The following MYBL1 variants were observed in gnomAD, a reference collection of about 807,000 sequenced individuals.
MYBL1 encodes MYB proto-oncogene like 1.
A neutral mutation model predicts 96.3 loss-of-function variants in MYBL1; 17 were observed. The ratio of observed to expected loss-of-function variants is 0.18; its 90% confidence interval spans 0.12 to 0.26. The LOEUF (loss-of-function observed/expected upper bound fraction) is 0.26. MYBL1 is among the 10% of genes least tolerant of loss of function. MYBL1 has a pLI of 1.00. For missense variants in MYBL1, 701 were observed against 882.9 expected (o/e 0.79, Z 2.61); for synonymous variants, 282 against 292.7 (o/e 0.96, Z 0.37).
intron 8 of MYBL1, among the ~76,000 whole-genome samples, chr8:66,585,870 A>T (rs1809398079): frequency 6.6e-6 from 1 of 152,170 alleles, no homozygotes; most frequent in African/African-American, 2.4e-5. Context: ...TAAACTAAAA[A>T]GCTTCTGCAC....
chr8:66,565,902 G>A (rs914437326), intron 15 of MYBL1, among the ~76,000 whole-genome samples, 162 bp downstream of exon 15: 2 of 152,020 alleles, frequency 1.3e-5, no homozygotes, highest in Admixed American at 6.6e-5. Context: ...TGAATGAGTC[G>A]CTCAAACCCA....
At chr8:66,594,153 C>A (rs566404622) in intron 6 of MYBL1, among the ~76,000 whole-genome samples, 129 of 151,682 alleles carry the variant, frequency 8.5e-4, no homozygotes, top group Non-Finnish European at 1.6e-3. Flanking sequence ...AAAAAAAAAG[C>A]CTTAAAATCA....
chr8:66,585,311 T>C (rs1033501071), intron 8 of MYBL1, among the ~76,000 whole-genome samples: 25 of 152,168 alleles, frequency 1.6e-4, no homozygotes, highest in Admixed American at 1.6e-3. Flanking sequence ...AAACTGGATA[T>C]CCATATGCAG....
At chr8:66,612,636 C>T (rs532346756) in intron 1 of MYBL1, 183 bp downstream of exon 1, 8 of 610,884 alleles carry the variant, frequency 1.3e-5, no homozygotes, top group South Asian at 8.3e-5. Context: ...CACCCTGGTC[C>T]CCAACTCTCC....
At chr8:66,572,401 TAAA>T in intron 12 of MYBL1, 78 bp downstream of exon 12, 2 of 644,720 alleles carry the variant, frequency 3.1e-6, no homozygotes, top group Non-Finnish European at 5.1e-6. Flanking sequence ...TTTTAAATGT[TAAA>T]AATCAAAGTG....
intron 10 of MYBL1, 101 bp from the exon 11 acceptor site, chr8:66,573,607 A>C: frequency 9.6e-7 from 1 of 1,043,438 alleles, no homozygotes; most frequent in Non-Finnish European, 1.3e-6. Context: ...CATACCTCTT[A>C]AAAAAAGCTT....
chr8:66,601,805 C>G, intron 2 of MYBL1, 36 bp from the exon 3 acceptor site: 1 of 1,171,080 alleles, frequency 8.5e-7, no homozygotes, highest in Admixed American at 2.3e-5. Context: ...AAGCTTTCCC[C>G]CCGTCCTTTT....
Position 66,595,772 on chromosome 8 carries a change from G to C in MYBL1, c.513-15C>G, listed in dbSNP as rs1292780153. The C allele has an allele frequency of 4.1e-6, 6 of 1,467,438 alleles. No individual in the cohort carries two copies. The highest frequency in any genetic ancestry group is 5.4e-6 in the Non-Finnish European group (6 of 1,101,618). The allele number at this position is 1,467,438 out of a possible 1,614,324, so 90.9% of individuals were successfully genotyped here. A position where few individuals can be genotyped will look rare whatever the true frequency, so the allele number is the denominator to read the frequency against. ...AATTATCAGTCCTAAGAAAGGAAAG[G>C]TATGATTTAAAAAGAAAAAAGGATT... On this transcript the variant is annotated splice_polypyrimidine_tract_variant and intron_variant, in intron 5 of 15. Coordinates refer to ENST00000522677, the MANE Select transcript of MYBL1 (RefSeq NM_001080416.4).
chr8:66,599,607 C>T (rs1809987346), intron 3 of MYBL1, among the ~76,000 whole-genome samples: 1 of 152,108 alleles, frequency 6.6e-6, no homozygotes, highest in Non-Finnish European at 1.5e-5. Flanking sequence ...TCGAGACCAG[C>T]CTGACCAACA....
intron 1 of MYBL1, among the ~76,000 whole-genome samples, chr8:66,606,690 T>C (rs1287333362): frequency 4.6e-5 from 7 of 152,162 alleles, no homozygotes; most frequent in African/African-American, 1.7e-4. Flanking sequence ...ATGATCTGCT[T>C]CTACAGTTCA....
chr8:66,578,760 G>T (rs1425286307), intron 9 of MYBL1, among the ~76,000 whole-genome samples: 1 of 152,162 alleles, frequency 6.6e-6, no homozygotes, highest in Admixed American at 6.5e-5. Flanking sequence ...AAATCATGCT[G>T]CTATAAAGAC....
intron 3 of MYBL1, among the ~76,000 whole-genome samples, chr8:66,601,481 T>C (rs1810071424): frequency 6.6e-6 from 1 of 152,140 alleles, no homozygotes; most frequent in Admixed American, 6.5e-5. Context: ...TTAATAATCT[T>C]TTTAGGCCCC....
At position 66,573,489 on chromosome 8, in the gene MYBL1, A is replaced by C; in HGVS notation, c.1488T>G (p.Pro496=). The C allele has an allele frequency of 6.2e-7, 1 of 1,605,060 alleles. No individual in the cohort carries two copies. Among genetic ancestry groups the C allele is most frequent in the South Asian group, 1.1e-5 (1 of 88,430 alleles). ...FSPSQFFNTC[P]GNEQLNIENP... Reference sequence around the variant, plus strand: ...TTTCTATATTAAGTTGTTCATTACCAGGACATGTGTTGAAAAACTAGAAAG... The same window carrying C: ...TTTCTATATTAAGTTGTTCATTACCCGGACATGTGTTGAAAAACTAGAAAG... Residue 496 remains proline (P), a synonymous_variant, in exon 11 of 16, where the codon CCT becomes CCG. Coordinates refer to ENST00000522677, the MANE Select transcript of MYBL1 (RefSeq NM_001080416.4).
chr8:66,596,966 A>G (rs552417789), intron 5 of MYBL1, among the ~76,000 whole-genome samples: 9 of 152,298 alleles, frequency 5.9e-5, no homozygotes, highest in Admixed American at 1.3e-4. Flanking sequence ...TACACATAGA[A>G]CGCAATATGA....
Position 66,564,692 on chromosome 8 carries a change from A to T in MYBL1, c.*5T>A, listed in dbSNP as rs1808433672. The T allele has an allele frequency of 6.4e-7, 1 of 1,562,316 alleles. No homozygotes were observed. Among genetic ancestry groups the T allele is most frequent in the African/African-American group, 1.4e-5 (1 of 73,448 alleles). ...AGTGGGGCATTTCATCAATTTTAATAACAATTACAGTATGAGAGCTCTTGA... is the reference window on the plus strand; with the variant it reads ...AGTGGGGCATTTCATCAATTTTAATTACAATTACAGTATGAGAGCTCTTGA... On this transcript the variant is annotated 3_prime_UTR_variant, in exon 16 of 16. Coordinates refer to ENST00000522677, the MANE Select transcript of MYBL1 (RefSeq NM_001080416.4).
chr8:66,604,156 T>C (rs866593175), intron 1 of MYBL1, among the ~76,000 whole-genome samples: 62 of 152,176 alleles, frequency 4.1e-4, no homozygotes, highest in African/African-American at 1.4e-3. Context: ...TGGTAAATTA[T>C]AACAGTAACA....
intron 8 of MYBL1, among the ~76,000 whole-genome samples, chr8:66,592,220 A>G (rs1809675660): frequency 1.3e-5 from 2 of 152,126 alleles, no homozygotes; most frequent in African/African-American, 4.8e-5. Flanking sequence ...AGCAGTGATT[A>G]CACCACTGCA....
intron 10 of MYBL1, among the ~76,000 whole-genome samples, chr8:66,575,171 A>T (rs1808885757): frequency 6.6e-6 from 1 of 152,258 alleles, no homozygotes; most frequent in African/African-American, 2.4e-5. Context: ...GAAAGTAAGT[A>T]GGTAGTTCTA....
At chr8:66,607,589 A>C (rs560655546) in intron 1 of MYBL1, among the ~76,000 whole-genome samples, 6 of 152,124 alleles carry the variant, frequency 3.9e-5, no homozygotes, top group Admixed American at 3.9e-4. Context: ...CACCTTCTTC[A>C]ATACATGTGA....
Sources: gnomAD v4.1 joint callset for allele counts (sites outside exome capture counted in the v4.1 genomes callset) on GRCh38, gnomAD v4.1.1 for gene constraint, MANE v1.5 for transcripts, NCBI Gene and HGNC (gene_info 2026-07-23, HGNC 2026-07-21) for gene names.